ZSCAN1: variants seen among roughly 807,000 people sequenced by gnomAD.
The protein encoded by ZSCAN1 is zinc finger and SCAN domain containing 1.
Under a neutral mutation model 23.8 loss-of-function variants are expected in ZSCAN1, and 23 were observed. That is an observed-to-expected ratio of 0.97 (90% CI 0.70 to 1.37). The LOEUF (loss-of-function observed/expected upper bound fraction) is 1.37, where lower values mean the gene tolerates loss of function less well. ZSCAN1 is among the 40% of genes most tolerant of loss of function. The probability of loss-of-function intolerance (pLI) is 0.00; values close to 1 mark genes in which losing one functional copy is unlikely to be tolerated. For synonymous variants in ZSCAN1, 236 were observed against 232.3 expected, an observed-to-expected ratio of 1.02 and a Z score of -0.15; for missense variants, 575 against 554.0, an observed-to-expected ratio of 1.04 and a Z score of -0.38.
Position 58,053,568 on chromosome 19 carries a change from C to T in ZSCAN1, c.744C>T (p.Pro248=), listed in dbSNP as rs1224248483. The T allele has an allele frequency of 1.2e-6, 2 of 1,614,184 alleles. No individual in the cohort carries two copies. The change falls in exon 6 of 6, where the codon CCC becomes CCT. Residue 248 remains proline, a synonymous_variant. Transcript: ENST00000282326. This position sits in a 1 kb window ranked among gnomAD's most constrained non-coding sequence, Gnocchi z 5.8. ...GTCCAAGTGCTCAGAGAATCAGTCC[C>T]CGAAGGAGAAACAGGAACACTGACC... is the stretch of plus-strand genomic sequence containing the variant. ...PKGPSAQRIS[P]RRRNRNTDQS...
At position 58,038,071 on chromosome 19, in the gene ZSCAN1, G is replaced by A. The variant is rs2073753088; in HGVS notation, c.235G>A (p.Glu79Lys). 1 of 1,611,760 alleles carries A rather than the reference G, an allele frequency of 6.2e-7. No individual in the cohort carries two copies. The highest frequency in any genetic ancestry group is 1.7e-5 in the Admixed American group (1 of 59,964). Residue 79 changes from glutamate to lysine, a missense_variant, in exon 3 of 6, where the codon GAG becomes AAG. Glu to Lys is a moderately conservative substitution (Grantham distance 56). Coordinates refer to ENST00000282326, the MANE Select transcript of ZSCAN1 (RefSeq NM_182572.4). ...GGCGCGCTCCAAGGAGCAGATGCTG[G>A]AGCTGCTGGTGCTGGAGCAGTTCCT... ...PEARSKEQML[E>K]LLVLEQFLGA...
chr19:58,046,514 C>T (rs1033602158), intron 4 of ZSCAN1: 1 of 913,676 alleles, frequency 1.1e-6, no homozygotes, highest in Admixed American at 1.7e-5. Flanking sequence ...ATCAGTGTTG[C>T]CGAGCTCATC....
rs143422365 is a variant in ZSCAN1, at chr19:58,040,097, T to A, written c.371-353T>A. On this transcript the variant is annotated intron_variant, in intron 3 of 5. Transcript: ENST00000282326. The surrounding 1 kb of genome is among the most constrained non-coding windows in gnomAD (Gnocchi z 5.8). ...GAACCCTGCTTCAGCAGTCGTCCTC[T>A]GTGCACTCTGTGCACACAGCCCCGG... is the stretch of plus-strand genomic sequence containing the variant. Among the ~76,000 whole-genome samples the A allele has an allele frequency of 2.2e-3, 328 of 152,328 alleles. 2 individuals carry two copies. The highest frequency in any genetic ancestry group is 7.7e-3 in the African/African-American group (320 of 41,586).
chr19:58,042,340 C>G (rs2073795666), intron 4 of ZSCAN1, among the ~76,000 whole-genome samples: 1 of 151,684 alleles, frequency 6.6e-6, no homozygotes. Context: ...TCACTGCAAG[C>G]TCTGCCTCCC....
chr19:58,054,389 C>A lies in ZSCAN1; in HGVS notation c.*338C>A, dbSNP rs367876784. ...GTCTCCCTGTTAGCACCTGACTCAG[C>A]GGCAGCTTCTGCCGCTGGGTTTTCA... On this transcript the variant is annotated 3_prime_UTR_variant, in exon 6 of 6. Transcript: ENST00000282326. This position sits in a 1 kb window ranked among gnomAD's most constrained non-coding sequence, Gnocchi z 4.2. 4.4e-6 allele frequency: 1 copy of A among 226,586 alleles called. No homozygotes were observed. Among genetic ancestry groups the A allele is most frequent in the Non-Finnish European group, 8.6e-6 (1 of 115,928 alleles). The allele number at this position is 226,586 out of a possible 1,614,324, so 14.0% of individuals were successfully genotyped here.
chr19:58,047,396 T>A lies in ZSCAN1; in HGVS notation c.466-5094T>A, dbSNP rs1444568423. Among the ~76,000 whole-genome samples, 4 of 152,112 alleles carry A rather than the reference T, an allele frequency of 2.6e-5. No individual in the cohort carries two copies. Among genetic ancestry groups the A allele is most frequent in the African/African-American group, 7.2e-5 (3 of 41,408 alleles). On this transcript the variant is annotated intron_variant, in intron 4 of 5. Coordinates refer to ENST00000282326, the MANE Select transcript of ZSCAN1 (RefSeq NM_182572.4). This position sits in a 1 kb window ranked among gnomAD's most constrained non-coding sequence, Gnocchi z 4.9. The stretch of plus-strand genomic sequence containing the variant: ...TGCAGTTTTCCTTGTGTATCGGAGC[T>A]CTTTCTTAACTTTCTATTTTCCCCC...
chr19:58,050,548 G>A (rs1057373912), intron 4 of ZSCAN1, among the ~76,000 whole-genome samples: 10 of 151,904 alleles, frequency 6.6e-5, no homozygotes, highest in Admixed American at 3.3e-4. Flanking sequence ...TTGAGACGGC[G>A]TCTCGCTCTG....
chr19:58,045,975 G>A lies in ZSCAN1; in HGVS notation c.465+5431G>A. ...AGGCCAAGCTAGAGGCCACACTGCA[G>A]GAGAAGGCGACCATGCAGTAGGAGC... is the stretch of plus-strand genomic sequence containing the variant. On this transcript the variant is annotated intron_variant, in intron 4 of 5. Transcript: ENST00000282326. The surrounding 1 kb of genome is among the most constrained non-coding windows in gnomAD (Gnocchi z 4.3). 1.3e-6 allele frequency: 1 copy of A among 744,338 alleles called. No homozygotes were observed. Among genetic ancestry groups the A allele is most frequent in the Non-Finnish European group, 2.4e-6 (1 of 415,592 alleles). 46.1% of individuals were successfully genotyped at this position (744,338 alleles called of 1,614,324 possible).
In ZSCAN1 at chr19:58,045,638, AG is replaced by A. The variant is rs2073820396; in HGVS notation, c.465+5096del. 1 of 939,386 alleles carries A rather than the reference AG, an allele frequency of 1.1e-6. No individual in the cohort carries two copies. The highest frequency in any genetic ancestry group is 1.8e-6 in the Non-Finnish European group (1 of 565,264). 58.2% of individuals were successfully genotyped at this position (939,386 alleles called of 1,614,324 possible). A position where few individuals can be genotyped will look rare whatever the true frequency, so the allele number is the denominator to read the frequency against. On this transcript the variant is annotated intron_variant, in intron 4 of 5. Transcript: ENST00000282326. The surrounding 1 kb of genome is among the most constrained non-coding windows in gnomAD (Gnocchi z 4.3). ...ATGCGGCTGCGCTCCATAAAGGCAG[AG>A]GACAAGCTGTTTGCTGAGGAAGGGG...
chr19:58,039,893 TTC>T (rs1027330113), intron 3 of ZSCAN1, among the ~76,000 whole-genome samples: 4 of 152,188 alleles, frequency 2.6e-5, no homozygotes, highest in African/African-American at 9.7e-5. Context: ...TCTTGAATTT[TTC>T]TTTTTTTAAT....
chr19:58,042,808 G>A (rs1250609779), intron 4 of ZSCAN1, among the ~76,000 whole-genome samples: 1 of 152,106 alleles, frequency 6.6e-6, no homozygotes, highest in Non-Finnish European at 1.5e-5. Flanking sequence ...CTTTTTGCGG[G>A]GGTCGTAGGT....
intron 4 of ZSCAN1, chr19:58,046,578 C>T (rs183790777): frequency 8.3e-6 from 7 of 839,994 alleles, no homozygotes; most frequent in Middle Eastern, 2.2e-4. Context: ...CCAGCCTGGC[C>T]GCAGCACTGA....
downstream of ZSCAN1, among the ~76,000 whole-genome samples, chr19:58,055,314 C>T (rs1009874536): frequency 6.6e-6 from 1 of 152,126 alleles, no homozygotes; most frequent in African/African-American, 2.4e-5. Context: ...ACGGACCCAC[C>T]GCTGCCTTCA....
At position 58,053,668 on chromosome 19, in the gene ZSCAN1, G is replaced by A; in HGVS notation, c.844G>A (p.Val282Met). Residue 282 changes from valine (V) to methionine (M), a missense_variant, in exon 6 of 6, where the codon GTG becomes ATG. Transcript: ENST00000282326. This position sits in a 1 kb window ranked among gnomAD's most constrained non-coding sequence, Gnocchi z 5.8. ...TQEAVAGISV[V>M]PRGPRGGRPF... ...AGAGGCTGTTGCAGGCATCTCGGTA[G>A]TGCCGCGTGGGCCCCGAGGTGGGCG... 1.9e-6 allele frequency: 3 copies of A among 1,614,198 alleles called. No homozygotes were observed. The highest frequency in any genetic ancestry group is 2.5e-6 in the Non-Finnish European group (3 of 1,180,036).
chr19:58,045,951 G>C lies in ZSCAN1; in HGVS notation c.465+5407G>C. On this transcript the variant is annotated intron_variant, in intron 4 of 5. Coordinates refer to ENST00000282326, the MANE Select transcript of ZSCAN1 (RefSeq NM_182572.4). This position sits in a 1 kb window ranked among gnomAD's most constrained non-coding sequence, Gnocchi z 4.3. ...AGGTGGAGGGCAAGCAGGTGGACAAGGCCAAGCTAGAGGCCACACTGCAGG... is the reference window on the plus strand; with the variant it reads ...AGGTGGAGGGCAAGCAGGTGGACAACGCCAAGCTAGAGGCCACACTGCAGG... 2 of 843,092 alleles carry C rather than the reference G, an allele frequency of 2.4e-6. No homozygotes were observed. Among genetic ancestry groups the C allele is most frequent in the Admixed American group, 3.7e-5 (2 of 54,038 alleles). 52.2% of individuals were successfully genotyped at this position (843,092 alleles called of 1,614,324 possible). A position where few individuals can be genotyped will look rare whatever the true frequency, so the allele number is the denominator to read the frequency against.
intron 4 of ZSCAN1, 79 bp from the exon 5 acceptor site, chr19:58,052,411 T>G: frequency 6.2e-7 from 1 of 1,606,498 alleles, no homozygotes; most frequent in Middle Eastern, 2.0e-4. Flanking sequence ...ATGACGCCCG[T>G]TCCTTGGTTG....
intron 4 of ZSCAN1, among the ~76,000 whole-genome samples, chr19:58,043,042 A>C (rs1322353652): frequency 6.6e-6 from 1 of 152,230 alleles, no homozygotes. Flanking sequence ...GCGCGGCCCC[A>C]GGCATTGCCG....
intron 4 of ZSCAN1, chr19:58,044,512 G>A (rs1426949660): frequency 4.6e-6 from 2 of 435,206 alleles, no homozygotes; most frequent in Non-Finnish European, 8.1e-6. Flanking sequence ...CACCGAGACG[G>A]CGAAGAGCCG....
At position 58,045,394 on chromosome 19, in the gene ZSCAN1, T is replaced by A; in HGVS notation, c.465+4850T>A. On this transcript the variant is annotated intron_variant, in intron 4 of 5. Coordinates refer to ENST00000282326, the MANE Select transcript of ZSCAN1 (RefSeq NM_182572.4). This position sits in a 1 kb window ranked among gnomAD's most constrained non-coding sequence, Gnocchi z 4.3. Reference sequence around the variant, plus strand: ...TTCCTCCAGGACACCATCCAGGAGATGGCCTTGAAGAACGAGGCAGCCAAG... The same window carrying A: ...TTCCTCCAGGACACCATCCAGGAGAAGGCCTTGAAGAACGAGGCAGCCAAG... The A allele has an allele frequency of 1.1e-6, 1 of 921,072 alleles. No homozygotes were observed. Among genetic ancestry groups the A allele is most frequent in the East Asian group, 2.4e-5 (1 of 41,838 alleles). The allele number at this position is 921,072 out of a possible 1,614,324, so 57.1% of individuals were successfully genotyped here.
Sources: gnomAD v4.1 joint callset for allele counts (sites outside exome capture counted in the v4.1 genomes callset) on GRCh38, gnomAD v4.1.1 for gene constraint, Gnocchi (gnomAD v3.1) non-coding constraint, MANE v1.5 for transcripts, NCBI Gene and HGNC (gene_info 2026-07-23, HGNC 2026-07-21) for gene names.